MOB3A: variants seen among roughly 807,000 people sequenced by gnomAD.
MOB3A encodes the protein MOB kinase activator 3A, also known as MOB LAK.
In MOB3A, 17 loss-of-function variants were observed where a neutral mutation model predicts 17.8. That is an observed-to-expected ratio of 0.95 (90% confidence interval 0.65 to 1.43). The LOEUF is 1.43. Ranked by LOEUF, MOB3A falls within the 40% of genes most tolerant of loss-of-function variation. The probability of loss-of-function intolerance (pLI) is 0.00; values close to 1 mark genes in which losing one functional copy is unlikely to be tolerated. For synonymous variants in MOB3A, 124 were observed against 133.2 expected, an observed-to-expected ratio of 0.93 and a Z score of 0.48; for missense variants, 333 against 310.8, an observed-to-expected ratio of 1.07 and a Z score of -0.54.
intron 1 of MOB3A, among the ~76,000 whole-genome samples, chr19:2,091,874 G>C (rs1262999389): frequency 1.3e-5 from 2 of 150,060 alleles, no homozygotes; most frequent in African/African-American, 4.9e-5. Flanking sequence ...GCGGGCGCCT[G>C]TAATCCCAGC....
Position 2,073,235 on chromosome 19 carries a change from G to A in MOB3A, c.*160C>T. On this transcript the variant is annotated 3_prime_UTR_variant, in exon 5 of 5. Transcript: ENST00000357066. ...ACTGAGGAAGGCATCTGCCGTCCGGGGTTGGAGCTCCTGAGGACCAACACC... is the reference window on the plus strand; with the variant it reads ...ACTGAGGAAGGCATCTGCCGTCCGGAGTTGGAGCTCCTGAGGACCAACACC... 1.3e-6 allele frequency: 1 copy of A among 797,156 alleles called. No individual in the cohort carries two copies. The highest frequency in any genetic ancestry group is 2.1e-6 in the Non-Finnish European group (1 of 482,174). 49.4% of individuals were successfully genotyped at this position (797,156 alleles called of 1,614,324 possible).
chr19:2,079,802 C>T (rs112387251), intron 2 of MOB3A, among the ~76,000 whole-genome samples: 8 of 152,304 alleles, frequency 5.3e-5, no homozygotes, highest in South Asian at 2.1e-4. Context: ...GGCGAGATGC[C>T]GGGTGATTCC....
In MOB3A at chr19:2,094,241, G is replaced by A. The variant is rs191806525; in HGVS notation, c.-274+1985C>T. 2.3e-3 allele frequency among the ~76,000 whole-genome samples: 342 copies of A among 151,934 alleles called. 1 individual carries two copies. The highest frequency in any genetic ancestry group is 7.9e-3 in the African/African-American group (327 of 41,468). On this transcript the variant is annotated intron_variant, in intron 1 of 4. Transcript: ENST00000357066. ...TTTTTGTCTTTTTAGTAGAGACGGG[G>A]TTTCACTGTGTTAGCCAGTATGGTC...
intron 4 of MOB3A, 131 bp from the exon 5 acceptor site, chr19:2,073,555 A>C: frequency 8.4e-7 from 1 of 1,192,884 alleles, no homozygotes. Context: ...CAAACAACAA[A>C]AACCACACAG....
Position 2,078,413 on chromosome 19 carries a change from G to T in MOB3A, c.148C>A (p.Gln50Lys), listed in dbSNP as rs369959216. The stretch of plus-strand genomic sequence containing the variant: ...TTCAGGTCCTCGCCCGGGGGCAACT[G>T]CACGGCCAGCCGCAGGTCCAGCCCG... ...NAGLDLRLAV[Q>K]LPPGEDLNDW... is the part of the protein sequence containing the mutation. The change falls in exon 3 of 5, where the codon CAG becomes AAG. Residue 50 changes from glutamine (Q) to lysine (K), a missense_variant. Physicochemically the swap from Gln to Lys is moderately conservative, Grantham distance 53 (BLOSUM62 1). Transcript: ENST00000357066. 9.9e-6 allele frequency: 16 copies of T among 1,613,864 alleles called. No homozygotes were observed. Among genetic ancestry groups the T allele is most frequent in the African/African-American group, 1.3e-5 (1 of 74,924 alleles).
At chr19:2,077,888 A>G (rs1002353454) in intron 3 of MOB3A, among the ~76,000 whole-genome samples, 1 of 151,854 alleles carries the variant, frequency 6.6e-6, no homozygotes, top group Non-Finnish European at 1.5e-5. Flanking sequence ...GCCTCAAGCG[A>G]TCCTCCCACC....
rs1027146952 is a variant in MOB3A, at chr19:2,076,671, C to T, written c.624+140G>A. ...TCACCACTTGTCCCATCAGCAGGGTCCCCGGGGCCCAACTCCAGCCGGGGC... is the reference window on the plus strand; with the variant it reads ...TCACCACTTGTCCCATCAGCAGGGTTCCCGGGGCCCAACTCCAGCCGGGGC... On this transcript the variant is annotated intron_variant, in intron 4 of 4. Transcript: ENST00000357066. 27 of 771,952 alleles carry T rather than the reference C, an allele frequency of 3.5e-5. No homozygotes were observed. In the Middle Eastern group the frequency reaches 1.5e-3, roughly 42 times the overall value. The allele number at this position is 771,952 out of a possible 1,614,324, so 47.8% of individuals were successfully genotyped here.
At chr19:2,074,517 A>T (rs540840130) in intron 4 of MOB3A, among the ~76,000 whole-genome samples, 2 of 152,230 alleles carry the variant, frequency 1.3e-5, no homozygotes, top group East Asian at 3.9e-4. Context: ...CTGAAAGGGG[A>T]TGCACAAAAA....
intron 1 of MOB3A, among the ~76,000 whole-genome samples, chr19:2,088,011 C>T (rs2017572811): frequency 1.3e-5 from 2 of 152,210 alleles, no homozygotes; most frequent in South Asian, 4.1e-4. Flanking sequence ...CTCGCCTCCT[C>T]GTGGCCACTG....
At chr19:2,092,332 T>C (rs1310896081) in intron 1 of MOB3A, among the ~76,000 whole-genome samples, 1 of 151,894 alleles carries the variant, frequency 6.6e-6, no homozygotes, top group African/African-American at 2.4e-5. Context: ...AACTCCTGGG[T>C]TCAAGCTATC....
At chr19:2,079,967 G>A (rs552161503) in intron 2 of MOB3A, among the ~76,000 whole-genome samples, 4 of 152,358 alleles carry the variant, frequency 2.6e-5, no homozygotes, top group African/African-American at 9.6e-5. Context: ...AGAATTCTCA[G>A]GGGACAGAGA....
chr19:2,078,103 G>T lies in MOB3A; in HGVS notation c.421+37C>A, dbSNP rs1478233667. ...TCGGCCTCCCTGACTTTTCTGGAAG[G>T]CTCTGTATCCCCGAGCCCCTGCCAG... On this transcript the variant is annotated intron_variant, in intron 3 of 4. Coordinates refer to ENST00000357066, the MANE Select transcript of MOB3A (RefSeq NM_130807.3). 4.6e-6 allele frequency: 7 copies of T among 1,519,104 alleles called. No individual in the cohort carries two copies. The African/African-American group carries it at 8.3e-5, about 18-fold the overall frequency. 94.1% of individuals were successfully genotyped at this position (1,519,104 alleles called of 1,614,324 possible).
chr19:2,084,421 G>T (rs2017527287), intron 2 of MOB3A, among the ~76,000 whole-genome samples: 1 of 151,396 alleles, frequency 6.6e-6, no homozygotes, highest in African/African-American at 2.4e-5. Context: ...TTGAACCCAG[G>T]GAGGCGGAGG....
intron 1 of MOB3A, among the ~76,000 whole-genome samples, chr19:2,086,501 A>T (rs1268312428): frequency 6.6e-6 from 1 of 151,430 alleles, no homozygotes; most frequent in Non-Finnish European, 1.5e-5. Context: ...CTGGGATTAC[A>T]GACACACGCC....
chr19:2,085,963 C>CAAA (rs1036097194), intron 1 of MOB3A, among the ~76,000 whole-genome samples: 26 of 33,354 alleles, frequency 7.8e-4, no homozygotes, highest in African/African-American at 1.8e-3. Context: ...GACTCTGTCT[C>CAAA]AAAAAAAAAA....
rs2017353452 is a variant in MOB3A, at chr19:2,072,727, C to T, written c.*668G>A. The T allele has an allele frequency of 6.6e-6, 1 of 151,826 alleles. No homozygotes were observed. Among genetic ancestry groups the T allele is most frequent in the South Asian group, 2.1e-4 (1 of 4,820 alleles). 9.4% of individuals were successfully genotyped at this position (151,826 alleles called of 1,614,324 possible). ...ACTGGAGGCCAGGAGTTCAGCGAGA[C>T]CCCTGTCTCTAGTATGACCAAAAAA... On this transcript the variant is annotated 3_prime_UTR_variant, in exon 5 of 5. Coordinates refer to ENST00000357066, the MANE Select transcript of MOB3A (RefSeq NM_130807.3).
intron 2 of MOB3A, among the ~76,000 whole-genome samples, chr19:2,080,224 G>A (rs990507031): frequency 1.3e-5 from 2 of 152,126 alleles, no homozygotes; most frequent in African/African-American, 4.8e-5. Context: ...GGGCAGGGCG[G>A]GGGTCCTCAC....
Position 2,078,181 on chromosome 19 carries a change from T to C in MOB3A, c.380A>G (p.Glu127Gly), listed in dbSNP as rs765062703. 1 of 1,599,288 alleles carries C rather than the reference T, an allele frequency of 6.3e-7. No individual in the cohort carries two copies. The highest frequency in any genetic ancestry group is 2.2e-5 in the East Asian group (1 of 44,474). Residue 127 changes from glutamate (E) to glycine (G), a missense_variant, in exon 3 of 5, where the codon GAG (glutamate) becomes GGG (glycine). Coordinates refer to ENST00000357066, the MANE Select transcript of MOB3A (RefSeq NM_130807.3). ...GAGGTCCTCGTTGTTGATCTGCGCC[T>C]CGATCCAGTCCATCAGCAGGTCCAT... is the stretch of plus-strand genomic sequence containing the variant. ...RYMDLLMDWI[E>G]AQINNEDLFP...
chr19:2,075,494 G>A (rs1055169081), intron 4 of MOB3A, among the ~76,000 whole-genome samples: 8 of 152,098 alleles, frequency 5.3e-5, no homozygotes, highest in African/African-American at 7.2e-5. Context: ...TCAGCCGGGC[G>A]TGCTGGCTGT....
Sources: allele counts gnomAD v4.1 joint callset (sites outside exome capture counted in the v4.1 genomes callset), GRCh38; gene constraint gnomAD v4.1.1; transcripts MANE v1.5; gene names NCBI Gene and HGNC (gene_info 2026-07-23, HGNC 2026-07-21).